The following PEAR1 variants were observed in gnomAD, a reference collection of about 807,000 sequenced individuals.
PEAR1 encodes platelet endothelial aggregation receptor 1.
A neutral mutation model predicts 131.2 loss-of-function variants in PEAR1; 113 were observed. That is an observed-to-expected ratio of 0.86 (90% CI 0.74 to 1.01). The LOEUF (loss-of-function observed/expected upper bound fraction) is 1.01. PEAR1 is among the 50% of genes least tolerant of loss of function. The pLI is 0.00. For synonymous variants in PEAR1, 565 were observed against 523.3 expected (o/e 1.08, Z -1.09); for missense variants, 1,408 against 1,391.1 (o/e 1.01, Z -0.19).
chr1:156,915,357 TTGCTCTTC>T lies in PEAR1; in HGVS notation c.*563_*570del, dbSNP rs1402730713. The T allele has an allele frequency of 6.6e-6, 1 of 152,298 alleles. No individual in the cohort carries two copies. The highest frequency in any genetic ancestry group is 2.4e-5 in the African/African-American group (1 of 41,454). 9.4% of individuals were successfully genotyped at this position (152,298 alleles called of 1,614,324 possible). A position where few individuals can be genotyped will look rare whatever the true frequency, so the allele number is the denominator to read the frequency against. On this transcript the variant is annotated 3_prime_UTR_variant, in exon 23 of 23. Coordinates refer to ENST00000292357, the MANE Select transcript of PEAR1 (RefSeq NM_001080471.3). The stretch of plus-strand genomic sequence containing the variant: ...CCTGAAAGCCTTCATAGGTGCCTCT[TTGCTCTTC>T]TGCCAGTATCAAAACTTTTGAAGGC...
At chr1:156,895,295 T>C (rs1441081413) in intron 1 of PEAR1, among the ~76,000 whole-genome samples, 5 of 152,196 alleles carry the variant, frequency 3.3e-5, no homozygotes, top group East Asian at 1.9e-4. Context: ...TGGAGAGAGA[T>C]AGAAGGTCAT....
intron 15 of PEAR1, among the ~76,000 whole-genome samples, chr1:156,911,500 T>C (rs1441439406): frequency 6.6e-6 from 1 of 152,048 alleles, no homozygotes; most frequent in Admixed American, 6.6e-5. Context: ...GCCAGGCTGG[T>C]CTCGAACTCC....
chr1:156,913,870 A>G lies in PEAR1; in HGVS notation c.2732A>G (p.Glu911Gly), dbSNP rs1015688580. Residue 911 changes from glutamate to glycine, a missense_variant, in exon 22 of 23, where the codon GAG becomes GGG. By Grantham distance (98) the Glu-to-Gly change is moderately conservative. Transcript: ENST00000292357. The stretch of plus-strand genomic sequence containing the variant: ...TCCTTAGGGCTCATCTCTGAAGAGG[A>G]GCTCGGGGCCAGTGTGGCTTCCCTG... ...FYNKGLISEE[E>G]LGASVASLSS... is the part of the protein sequence containing the mutation. 5 of 1,613,172 alleles carry G rather than the reference A, an allele frequency of 3.1e-6. No homozygotes were observed. The African/African-American group carries it at 6.7e-5, about 22-fold the overall frequency.
At position 156,908,886 on chromosome 1, in the gene PEAR1, C is replaced by T. The variant is rs576198315; in HGVS notation, c.1291-30C>T. ...CAGGTGGAGAGGCCAAGGAATGGGC[C>T]GCCCCTCTCACCCGCTCACCCTCTT... On this transcript the variant is annotated intron_variant, in intron 10 of 22. Coordinates refer to ENST00000292357, the MANE Select transcript of PEAR1 (RefSeq NM_001080471.3). This position sits in a 1 kb window ranked among gnomAD's most constrained non-coding sequence, Gnocchi z 4.2. The T allele has an allele frequency of 1.2e-6, 2 of 1,610,176 alleles. No homozygotes were observed. Among genetic ancestry groups the T allele is most frequent in the South Asian group, 2.2e-5 (2 of 91,060 alleles).
At position 156,902,070 on chromosome 1, in the gene PEAR1, C is replaced by T. The variant is rs1649738652; in HGVS notation, c.-9-1848C>T. 1 of 152,228 alleles carries T rather than the reference C, an allele frequency of 6.6e-6. No individual in the cohort carries two copies. Among genetic ancestry groups the T allele is most frequent in the African/African-American group, 2.4e-5 (1 of 41,426 alleles). The allele number at this position is 152,228 out of a possible 1,614,324, so 9.4% of individuals were successfully genotyped here. A position where few individuals can be genotyped will look rare whatever the true frequency, so the allele number is the denominator to read the frequency against. The stretch of plus-strand genomic sequence containing the variant: ...GAGACAAGCTGCCAGAAAGAGGCTT[C>T]TGGTCATGGCCCTCCCGTATGCTAC... On this transcript the variant is annotated intron_variant, in intron 1 of 22. Coordinates refer to ENST00000292357, the MANE Select transcript of PEAR1 (RefSeq NM_001080471.3). The surrounding 1 kb of genome is among the most constrained non-coding windows in gnomAD (Gnocchi z 4.3).
Position 156,902,717 on chromosome 1 carries a change from C to G in PEAR1, c.-9-1201C>G, listed in dbSNP as rs1218262177. On this transcript the variant is annotated intron_variant, in intron 1 of 22. Coordinates refer to ENST00000292357, the MANE Select transcript of PEAR1 (RefSeq NM_001080471.3). This position sits in a 1 kb window ranked among gnomAD's most constrained non-coding sequence, Gnocchi z 4.3. ...AAATTATAAGCAGATGTGGGCGCCTCGGGGAGGCGTAGAGCAGGGAGCCAG... is the reference window on the plus strand; with the variant it reads ...AAATTATAAGCAGATGTGGGCGCCTGGGGGAGGCGTAGAGCAGGGAGCCAG... Among the ~76,000 whole-genome samples the G allele has an allele frequency of 1.3e-5, 2 of 152,064 alleles. No individual in the cohort carries two copies. Among genetic ancestry groups the G allele is most frequent in the Non-Finnish European group, 2.9e-5 (2 of 68,018 alleles).
chr1:156,901,414 G>A (rs1649666679), intron 1 of PEAR1, among the ~76,000 whole-genome samples: 1 of 152,220 alleles, frequency 6.6e-6, no homozygotes, highest in African/African-American at 2.4e-5. Flanking sequence ...GGGCTGACAG[G>A]AATGGGAGGA....
chr1:156,903,263 G>A (rs532849244), intron 1 of PEAR1, among the ~76,000 whole-genome samples: 6 of 152,228 alleles, frequency 3.9e-5, no homozygotes, highest in African/African-American at 9.6e-5. Flanking sequence ...CCCTGACAGC[G>A]TTTCATCAGG....
intron 7 of PEAR1, 92 bp downstream of exon 7, chr1:156,907,822 G>T: frequency 6.4e-7 from 1 of 1,567,800 alleles, no homozygotes; most frequent in Non-Finnish European, 8.7e-7. Context: ...AGTGAGGGGG[G>T]TGAGCTCTGT....
chr1:156,908,442 G>A lies in PEAR1; in HGVS notation c.1115+102G>A, dbSNP rs1261176608. 2.9e-6 allele frequency: 4 copies of A among 1,357,758 alleles called. No homozygotes were observed. In the East Asian group the frequency reaches 7.6e-5, roughly 26 times the overall value. The allele number at this position is 1,357,758 out of a possible 1,614,324, so 84.1% of individuals were successfully genotyped here. Reference sequence around the variant, plus strand: ...AGGGCCATATCCAAGGGGGACAGGTGTCACAGAAGGGGAAAGGGAGGGACC... The same window carrying A: ...AGGGCCATATCCAAGGGGGACAGGTATCACAGAAGGGGAAAGGGAGGGACC... On this transcript the variant is annotated intron_variant, in intron 9 of 22. Coordinates refer to ENST00000292357, the MANE Select transcript of PEAR1 (RefSeq NM_001080471.3). This position sits in a 1 kb window ranked among gnomAD's most constrained non-coding sequence, Gnocchi z 4.2.
intron 5 of PEAR1, 65 bp from the exon 6 acceptor site, chr1:156,906,572 G>T: frequency 6.3e-7 from 1 of 1,595,194 alleles, no homozygotes; most frequent in South Asian, 1.1e-5. Context: ...CTGGGAGACA[G>T]AGACGGGGAG....
rs1189568781 is a variant in PEAR1, at chr1:156,909,523, T to C, written c.1412-228T>C. 2.0e-5 allele frequency among the ~76,000 whole-genome samples: 3 copies of C among 152,186 alleles called. No individual in the cohort carries two copies. In the East Asian group the frequency reaches 5.8e-4, roughly 29 times the overall value. ...TTTGGGTTTAGTGCCATCCCCTTTA[T>C]TTTGCAGAAGGCACCCCAGACCCAG... On this transcript the variant is annotated intron_variant, in intron 11 of 22. Coordinates refer to ENST00000292357, the MANE Select transcript of PEAR1 (RefSeq NM_001080471.3).
chr1:156,914,303 G>T (rs1651636290), intron 22 of PEAR1, among the ~76,000 whole-genome samples: 1 of 152,216 alleles, frequency 6.6e-6, no homozygotes, highest in Non-Finnish European at 1.5e-5. Context: ...GAACAGTATG[G>T]TGTACCTTCT....
rs992998880 is a variant in PEAR1 at position 156,908,640 on chromosome 1, C to G, written c.1116-15C>G. 5 of 1,512,166 alleles carry G rather than the reference C, an allele frequency of 3.3e-6. No homozygotes were observed. In the South Asian group the frequency reaches 3.7e-5, roughly 11 times the overall value. The allele number at this position is 1,512,166 out of a possible 1,614,324, so 93.7% of individuals were successfully genotyped here. On this transcript the variant is annotated splice_polypyrimidine_tract_variant and intron_variant, in intron 9 of 22. Transcript: ENST00000292357. The surrounding 1 kb of genome is among the most constrained non-coding windows in gnomAD (Gnocchi z 4.2). ...CCCAGCTCAGACCGCGCCACGCCCC[C>G]GCCTCTGCCCCCAGCTGCCACCCGA... is the stretch of plus-strand genomic sequence containing the variant.
At chr1:156,905,564 C>A in intron 4 of PEAR1, 140 bp downstream of exon 4, 1 of 703,784 alleles carries the variant, frequency 1.4e-6, no homozygotes, top group South Asian at 2.0e-5. Flanking sequence ...CTCTCCTCTC[C>A]CTGGCCTTGT....
Position 156,916,356 on chromosome 1 carries a change from T to A in PEAR1, c.*1558T>A, listed in dbSNP as rs1205330626. The A allele has an allele frequency of 6.6e-6, 1 of 152,232 alleles. No individual in the cohort carries two copies. The highest frequency in any genetic ancestry group is 6.5e-5 in the Admixed American group (1 of 15,284). 9.4% of individuals were successfully genotyped at this position (152,232 alleles called of 1,614,324 possible). On this transcript the variant is annotated 3_prime_UTR_variant, in exon 23 of 23. Transcript: ENST00000292357. ...TTATAGTGATCTGTGATCAGTGATC[T>A]TTGATATATTATTGTAATTGTTTCG...
intron 22 of PEAR1, 33 bp from the exon 23 acceptor site, chr1:156,914,614 C>T (rs767948447): frequency 1.3e-6 from 2 of 1,584,860 alleles, no homozygotes; most frequent in Admixed American, 3.5e-5. Context: ...GTGGGAGGAG[C>T]CACTCCCTCT....
Position 156,912,758 on chromosome 1 carries a change from CA to C in PEAR1, c.2210-11del. ...AAGATGCCATTCTGAGTGAGCACCC[CA>C]TTCCACACAGGAATCCAGGAGCCCT... is the stretch of plus-strand genomic sequence containing the variant. On this transcript the variant is annotated splice_polypyrimidine_tract_variant and intron_variant, in intron 17 of 22. Transcript: ENST00000292357. 2.5e-6 allele frequency: 4 copies of C among 1,614,062 alleles called. No individual in the cohort carries two copies. The highest frequency in any genetic ancestry group is 3.4e-6 in the Non-Finnish European group (4 of 1,179,888).
rs200374584 is a variant in PEAR1, at chr1:156,904,730, C to T, written c.102-18C>T. 5.6e-6 allele frequency: 9 copies of T among 1,602,018 alleles called. No individual in the cohort carries two copies. In the Admixed American group the frequency reaches 1.5e-4, roughly 27 times the overall value. ...CCTCCTCCTGCCCTCGGCCCTGACC[C>T]TGTTCCCTGTCTTGCAGCTTCACTA... On this transcript the variant is annotated intron_variant, in intron 2 of 22. Coordinates refer to ENST00000292357, the MANE Select transcript of PEAR1 (RefSeq NM_001080471.3).
Sources: allele counts gnomAD v4.1 joint callset (sites outside exome capture counted in the v4.1 genomes callset), GRCh38; gene constraint gnomAD v4.1.1; non-coding constraint Gnocchi (gnomAD v3.1); transcripts MANE v1.5; gene names NCBI Gene and HGNC (gene_info 2026-07-23, HGNC 2026-07-21).